COL19A1: variants seen among roughly 807,000 people sequenced by gnomAD.
COL19A1 encodes collagen alpha-1(XIX) chain.
In COL19A1, 159 loss-of-function variants were observed where a neutral mutation model predicts 190.2. The ratio of observed to expected loss-of-function variants is 0.84; its 90% CI spans 0.73 to 0.95. The LOEUF is 0.95. COL19A1 is among the 40% of genes least tolerant of loss of function. The probability of loss-of-function intolerance (pLI) is 0.00; values close to 1 mark genes in which losing one functional copy is unlikely to be tolerated. For missense variants in COL19A1, 1,418 were observed against 1,431.9 expected (o/e 0.99, Z 0.16); for synonymous variants, 509 against 458.9 (o/e 1.11, Z -1.39).
intron 11 of COL19A1, among the ~76,000 whole-genome samples, chr6:69,989,671 C>A (rs1776512195): frequency 6.6e-6 from 1 of 151,242 alleles, no homozygotes; most frequent in African/African-American, 2.4e-5. Context: ...CACCACTGAT[C>A]TAGATCCTAC....
At chr6:70,187,100 G>A (rs540646064) in intron 46 of COL19A1, among the ~76,000 whole-genome samples, 210 of 152,134 alleles carry the variant, frequency 1.4e-3, no homozygotes, top group African/African-American at 4.8e-3. Context: ...GGCTGGTCTC[G>A]AACTCCTGAC....
intron 44 of COL19A1, among the ~76,000 whole-genome samples, chr6:70,183,163 G>T (rs945018935): frequency 6.6e-6 from 1 of 152,150 alleles, no homozygotes; most frequent in African/African-American, 2.4e-5. Context: ...GTAATGCTGA[G>T]GGTGCTGCTT....
At chr6:70,074,339 A>G (rs373706418) in intron 15 of COL19A1, among the ~76,000 whole-genome samples, 2 of 152,054 alleles carry the variant, frequency 1.3e-5, no homozygotes, top group African/African-American at 4.8e-5. Context: ...TCTCTACTAA[A>G]AATACAAAAA....
At chr6:70,186,629 C>T (rs1294588205) in intron 46 of COL19A1, among the ~76,000 whole-genome samples, 1 of 151,992 alleles carries the variant, frequency 6.6e-6, no homozygotes, top group African/African-American at 2.4e-5. Flanking sequence ...AGCATCATTC[C>T]GTCATATTTG....
At chr6:70,069,964 G>A (rs532289097) in intron 15 of COL19A1, among the ~76,000 whole-genome samples, 19 of 152,148 alleles carry the variant, frequency 1.2e-4, no homozygotes, top group Admixed American at 5.2e-4. Context: ...CATTTAAATC[G>A]TTAATAAATC....
chr6:70,096,695 G>A (rs928912507), intron 15 of COL19A1, among the ~76,000 whole-genome samples: 3 of 152,176 alleles, frequency 2.0e-5, no homozygotes, highest in Non-Finnish European at 2.9e-5. Context: ...TTTGTTCTGA[G>A]CTGCAAGATA....
chr6:69,996,664 G>A (rs545767879), intron 11 of COL19A1, among the ~76,000 whole-genome samples: 2 of 151,670 alleles, frequency 1.3e-5, no homozygotes, highest in Non-Finnish European at 2.9e-5. Flanking sequence ...ATATTCCTTA[G>A]CTTACTGATT....
In COL19A1 at chr6:69,886,047, A is replaced by G. The variant is rs377536162; in HGVS notation, c.91+6389A>G. On this transcript the variant is annotated intron_variant, in intron 2 of 50. Coordinates refer to ENST00000620364, the MANE Select transcript of COL19A1 (RefSeq NM_001858.6). ...AAGCAATCAACAAAATGAAAAGACA[A>G]CCTATGGGCTGGGAAAAAATAATTG... is the stretch of plus-strand genomic sequence containing the variant. Among the ~76,000 whole-genome samples, 11 of 152,290 alleles carry G rather than the reference A, an allele frequency of 7.2e-5. No individual in the cohort carries two copies. In the East Asian group the frequency reaches 1.5e-3, roughly 21 times the overall value.
chr6:70,100,818 G>C (rs1582911343), intron 15 of COL19A1, among the ~76,000 whole-genome samples: 1 of 152,216 alleles, frequency 6.6e-6, no homozygotes, highest in East Asian at 1.9e-4. Flanking sequence ...CTGTTCTGTA[G>C]ATGTTAACTA....
At chr6:70,163,637 G>A (rs1230873346) in intron 36 of COL19A1, among the ~76,000 whole-genome samples, 1 of 152,170 alleles carries the variant, frequency 6.6e-6, no homozygotes, top group African/African-American at 2.4e-5. Flanking sequence ...AAAAGTTCAG[G>A]CTGGATTCAG....
intron 14 of COL19A1, among the ~76,000 whole-genome samples, chr6:70,061,412 T>G (rs567693159): frequency 4.0e-5 from 6 of 151,834 alleles, no homozygotes; most frequent in Non-Finnish European, 7.4e-5. Context: ...GTCCTAGACT[T>G]AGCAAAAGTG....
chr6:70,104,535 A>G (rs1025130142), intron 16 of COL19A1, among the ~76,000 whole-genome samples: 1 of 152,152 alleles, frequency 6.6e-6, no homozygotes, highest in African/African-American at 2.4e-5. Flanking sequence ...CTCCCCCAGC[A>G]CTGAAGACTA....
At chr6:70,147,963 T>A (rs748967254) in intron 27 of COL19A1, among the ~76,000 whole-genome samples, 1 of 152,140 alleles carries the variant, frequency 6.6e-6, no homozygotes, top group Non-Finnish European at 1.5e-5. Context: ...AAGGATATGA[T>A]AAACGATACA....
At chr6:70,000,981 C>T (rs1777226230) in intron 11 of COL19A1, among the ~76,000 whole-genome samples, 1 of 152,108 alleles carries the variant, frequency 6.6e-6, no homozygotes, top group Non-Finnish European at 1.5e-5. Flanking sequence ...AGGTTTTCTT[C>T]TAGGGTTTTT....
chr6:70,132,125 G>A (rs1263931658), intron 18 of COL19A1, among the ~76,000 whole-genome samples: 1 of 152,104 alleles, frequency 6.6e-6, no homozygotes, highest in Non-Finnish European at 1.5e-5. Context: ...AAAAATTACA[G>A]GTGGTAGCTC....
At chr6:70,009,983 TA>T (rs1209260179) in intron 11 of COL19A1, among the ~76,000 whole-genome samples, 1 of 152,182 alleles carries the variant, frequency 6.6e-6, no homozygotes, top group Non-Finnish European at 1.5e-5. Flanking sequence ...ACCAAAACTG[TA>T]AATTTTTTAG....
chr6:69,995,484 C>T (rs1385305026), intron 11 of COL19A1, among the ~76,000 whole-genome samples: 1 of 151,450 alleles, frequency 6.6e-6, no homozygotes, highest in African/African-American at 2.4e-5. Flanking sequence ...ACAAGGATAA[C>T]TTGATGATAG....
intron 48 of COL19A1, among the ~76,000 whole-genome samples, chr6:70,198,383 AT>A: frequency 6.6e-6 from 1 of 152,338 alleles, no homozygotes; most frequent in South Asian, 2.1e-4. Context: ...TGTGTAAATT[AT>A]TTTAAAATAA....
intron 30 of COL19A1, 45 bp downstream of exon 30, chr6:70,150,090 C>T: frequency 6.2e-7 from 1 of 1,601,074 alleles, no homozygotes; most frequent in South Asian, 1.1e-5. Flanking sequence ...TAAATGCACC[C>T]AGAAGCCAAA....
Sources: gnomAD v4.1 joint callset for allele counts (sites outside exome capture counted in the v4.1 genomes callset) on GRCh38, gnomAD v4.1.1 for gene constraint, MANE v1.5 for transcripts, NCBI Gene and HGNC (gene_info 2026-07-23, HGNC 2026-07-21) for gene names.